Variants in DENND1A observed in about 807,000 individuals in gnomAD.
DENND1A encodes DENN domain-containing protein 1A.
A neutral mutation model predicts 113.7 loss-of-function variants in DENND1A; 51 were observed. The ratio of observed to expected loss-of-function variants is 0.45; its 90% CI spans 0.36 to 0.57. DENND1A has a LOEUF of 0.57. DENND1A is among the 20% of genes least tolerant of loss of function. DENND1A has a pLI of 0.00. For missense variants in DENND1A, 1,258 were observed against 1,395.9 expected, an observed-to-expected ratio of 0.90 and a Z score of 1.57; for synonymous variants, 565 against 570.8, an observed-to-expected ratio of 0.99 and a Z score of 0.14.
intron 2 of DENND1A, among the ~76,000 whole-genome samples, chr9:123,802,047 G>A (rs775084970): frequency 5.3e-5 from 8 of 152,168 alleles, no homozygotes; most frequent in Non-Finnish European, 8.8e-5. Context: ...AATTTTTAAT[G>A]AGGTTGCCAC....
At chr9:123,819,116 A>G (rs1216383119) in intron 2 of DENND1A, among the ~76,000 whole-genome samples, 4 of 152,222 alleles carry the variant, frequency 2.6e-5, no homozygotes, top group Non-Finnish European at 4.4e-5. Flanking sequence ...CATGCACAGT[A>G]AAGTTTTGGA....
intron 1 of DENND1A, among the ~76,000 whole-genome samples, chr9:123,913,988 A>G (rs1383931892): frequency 6.6e-6 from 1 of 151,880 alleles, no homozygotes; most frequent in Non-Finnish European, 1.5e-5. Context: ...CAGTGCAGAC[A>G]TGGTCAGGTC....
At chr9:123,769,591 A>G in intron 3 of DENND1A, 28 bp from the exon 4 acceptor site, 2 of 1,585,568 alleles carry the variant, frequency 1.3e-6, no homozygotes, top group Non-Finnish European at 1.7e-6. Context: ...GATAATTTAT[A>G]CATCTAATGG....
intron 9 of DENND1A, among the ~76,000 whole-genome samples, chr9:123,649,228 A>C (rs190216471): frequency 1.3e-5 from 2 of 152,354 alleles, no homozygotes; most frequent in East Asian, 3.9e-4. Context: ...TTATTCATAA[A>C]CATGGTAGTG....
At chr9:123,626,377 G>A (rs1201542201) in intron 10 of DENND1A, among the ~76,000 whole-genome samples, 4 of 151,944 alleles carry the variant, frequency 2.6e-5, no homozygotes, top group African/African-American at 9.7e-5. Context: ...GATGGCAGCA[G>A]GTTCTACATG....
chr9:123,727,929 A>T (rs898716584), intron 5 of DENND1A, among the ~76,000 whole-genome samples: 4 of 151,636 alleles, frequency 2.6e-5, no homozygotes, highest in Admixed American at 2.6e-4. Context: ...ACACAGTGAA[A>T]CCCCATCTCT....
chr9:123,755,285 C>A (rs927865998), intron 5 of DENND1A, among the ~76,000 whole-genome samples: 1 of 151,524 alleles, frequency 6.6e-6, no homozygotes, highest in Non-Finnish European at 1.5e-5. Flanking sequence ...ACCACTCCGG[C>A]TAATTTTTGT....
rs138883268 is a variant in DENND1A at position 123,382,311 on chromosome 9, G to A, written c.2334C>T (p.Pro778=). The A allele has an allele frequency of 1.8e-4, 283 of 1,610,634 alleles. No individual in the cohort carries two copies. Among genetic ancestry groups the A allele is most frequent in the Admixed American group, 5.7e-4 (34 of 59,812 alleles). The change falls in exon 24 of 24, where the codon CCC becomes CCT. Residue 778 remains proline, a synonymous_variant. Transcript: ENST00000394215. ...TPELGIVPPP[P]IPRPAKLQAA... Reference sequence around the variant, plus strand: ...CCTGGAGCTTGGCCGGGCGGGGAATGGGCGGTGGAGGCACGATGCCCAGCT... The same window carrying A: ...CCTGGAGCTTGGCCGGGCGGGGAATAGGCGGTGGAGGCACGATGCCCAGCT...
intron 1 of DENND1A, among the ~76,000 whole-genome samples, chr9:123,886,187 GTTTT>G (rs572500526): frequency 6.8e-6 from 1 of 147,100 alleles, no homozygotes; most frequent in African/African-American, 2.5e-5. Flanking sequence ...TTTTTGTTTT[GTTTT>G]TTTTTTCAAG....
intron 13 of DENND1A, among the ~76,000 whole-genome samples, chr9:123,511,008 T>C (rs1465082403): frequency 6.6e-6 from 1 of 152,198 alleles, no homozygotes; most frequent in East Asian, 1.9e-4. Flanking sequence ...AAATGTTGCT[T>C]AGGAAAACAC....
chr9:123,592,826 G>A (rs1244201918), intron 11 of DENND1A, among the ~76,000 whole-genome samples: 1 of 152,030 alleles, frequency 6.6e-6, no homozygotes, highest in African/African-American at 2.4e-5. Flanking sequence ...TTTAGGATGG[G>A]TGCATCTTTC....
chr9:123,698,799 G>A (rs908434176), intron 5 of DENND1A, among the ~76,000 whole-genome samples: 5 of 152,126 alleles, frequency 3.3e-5, no homozygotes, highest in African/African-American at 1.2e-4. Context: ...TGCGTACTAC[G>A]TTGCACACCT....
intron 2 of DENND1A, among the ~76,000 whole-genome samples, chr9:123,815,993 CTTTTTTT>C (rs1170659580): frequency 3.5e-4 from 28 of 79,786 alleles, no homozygotes; most frequent in African/African-American, 1.3e-3. Flanking sequence ...AGTGACTGTA[CTTTTTTT>C]TTTTTTTTTT....
At chr9:123,806,086 T>C (rs1835503692) in intron 2 of DENND1A, among the ~76,000 whole-genome samples, 1 of 151,916 alleles carries the variant, frequency 6.6e-6, no homozygotes, top group African/African-American at 2.4e-5. Context: ...CCCAAGTAGC[T>C]GGGATTACAA....
At chr9:123,576,494 G>C (rs911085143) in intron 12 of DENND1A, among the ~76,000 whole-genome samples, 23 of 152,068 alleles carry the variant, frequency 1.5e-4, no homozygotes, top group African/African-American at 2.2e-4. Context: ...GTTTTAAAAA[G>C]TCCTAGTTTT....
At chr9:123,455,512 G>A (rs2048049585) in intron 15 of DENND1A, among the ~76,000 whole-genome samples, 1 of 152,170 alleles carries the variant, frequency 6.6e-6, no homozygotes, top group South Asian at 2.1e-4. Flanking sequence ...TAGTAAACTT[G>A]ACAGCTCAGA....
intron 5 of DENND1A, chr9:123,751,456 C>T (rs1030555627): frequency 6.6e-6 from 1 of 152,166 alleles, no homozygotes; most frequent in African/African-American, 2.4e-5. Context: ...AATCTGGGTG[C>T]TACCTCCAAA....
At chr9:123,531,556 C>T (rs1322117378) in intron 13 of DENND1A, among the ~76,000 whole-genome samples, 71 of 54,176 alleles carry the variant, frequency 1.3e-3, no homozygotes, top group African/African-American at 9.0e-3. Flanking sequence ...TCTCTCTCTA[C>T]ACACACACAC....
chr9:123,552,012 CGAGAGCGA>C (rs1564702776), intron 13 of DENND1A, among the ~76,000 whole-genome samples: 22 of 68,668 alleles, frequency 3.2e-4, no homozygotes, highest in African/African-American at 1.7e-3. Context: ...CGAGAGAGAG[CGAGAGCGA>C]GAGAGAGAGA....
Sources: allele counts gnomAD v4.1 joint callset (sites outside exome capture counted in the v4.1 genomes callset), GRCh38; gene constraint gnomAD v4.1.1; transcripts MANE v1.5; gene names NCBI Gene and HGNC (gene_info 2026-07-23, HGNC 2026-07-21).